The following CEACAM21 variants were observed in gnomAD, a reference collection of about 807,000 sequenced individuals.
CEACAM21 encodes cell adhesion molecule CEACAM21.
Under a neutral mutation model 33.2 loss-of-function variants are expected in CEACAM21, and 38 were observed. That is an observed-to-expected ratio of 1.14 (90% CI 0.88 to 1.50). The LOEUF is 1.50. CEACAM21 is among the 40% of genes most tolerant of loss of function. The probability of loss-of-function intolerance (pLI) is 0.00; values close to 1 mark genes in which losing one functional copy is unlikely to be tolerated. For missense variants in CEACAM21, 385 were observed against 364.6 expected (o/e 1.06, Z -0.46); for synonymous variants, 156 against 143.0 (o/e 1.09, Z -0.65).
At chr19:41,555,043 C>T (rs999593582) in intron 1 of CEACAM21, 1 of 152,022 alleles carries the variant, frequency 6.6e-6, no homozygotes, top group South Asian at 2.1e-4. Flanking sequence ...ACTTCACCCA[C>T]CACAACTGTT....
At chr19:41,551,826 C>T (rs2041226831) in intron 1 of CEACAM21, 1 of 152,132 alleles carries the variant, frequency 6.6e-6, no homozygotes, top group Non-Finnish European at 1.5e-5. Flanking sequence ...GAACCCAAAA[C>T]CGGTCAGTTG....
chr19:41,579,705 C>T (rs998690842), intron 3 of CEACAM21, 77 bp downstream of exon 3: 45 of 1,035,182 alleles, frequency 4.3e-5, no homozygotes, highest in South Asian at 3.5e-4. Context: ...AAATGATACA[C>T]GGAATGAGAA....
Position 41,579,488 on chromosome 19 carries a change from C to G in CEACAM21, c.560C>G (p.Thr187Arg), listed in dbSNP as rs782257522. 6.2e-7 allele frequency: 1 copy of G among 1,613,868 alleles called. No individual in the cohort carries two copies. The highest frequency in any genetic ancestry group is 8.5e-7 in the Non-Finnish European group (1 of 1,179,832). ...TTCAACAACCAGCGTCTGCAGGTCA[C>G]GAAGAGGATGAAGCTGTCCTGGTTT... ...WIFNNQRLQV[T>R]KRMKLSWFNH... Residue 187 changes from threonine (T) to arginine (R), a missense_variant, in exon 3 of 7, where the codon ACG becomes AGG. By Grantham distance (71) the Thr-to-Arg change is moderately conservative (BLOSUM62 -1). Coordinates refer to ENST00000401445, the MANE Select transcript of CEACAM21 (RefSeq NM_001098506.4).
chr19:41,559,600 A>C (rs1555786336), intron 1 of CEACAM21, among the ~76,000 whole-genome samples: 1 of 152,222 alleles, frequency 6.6e-6, no homozygotes. Flanking sequence ...AAAAGAATCA[A>C]CAAGTCAAAA....
At chr19:41,567,818 G>C (rs1402069956) in intron 2 of CEACAM21, among the ~76,000 whole-genome samples, 1 of 151,878 alleles carries the variant, frequency 6.6e-6, no homozygotes, top group Non-Finnish European at 1.5e-5. Context: ...TAGGGAAGAT[G>C]GTGGGTCCCA....
chr19:41,558,198 TAA>T (rs1160098680), intron 1 of CEACAM21, among the ~76,000 whole-genome samples: 1 of 151,928 alleles, frequency 6.6e-6, no homozygotes, highest in Non-Finnish European at 1.5e-5. Context: ...TTCATAATTA[TAA>T]GTCATGAGAT....
At chr19:41,573,391 C>T (rs76002974), upstream of CEACAM21, among the ~76,000 whole-genome samples, 1 of 152,158 alleles carries the variant, frequency 6.6e-6, no homozygotes, top group Non-Finnish European at 1.5e-5. Context: ...TACAGTCAGG[C>T]CTTCCAGATG....
chr19:41,581,022 G>C (rs1484186627), intron 3 of CEACAM21, among the ~76,000 whole-genome samples: 5 of 152,224 alleles, frequency 3.3e-5, no homozygotes, highest in Admixed American at 6.5e-5. Flanking sequence ...ACCAGAAAAT[G>C]GGTGTATTAG....
intron 5 of CEACAM21, 72 bp from the exon 6 acceptor site, chr19:41,585,768 C>A: frequency 2.0e-6 from 3 of 1,464,860 alleles, no homozygotes; most frequent in South Asian, 2.4e-5. Flanking sequence ...GAACTGAGGA[C>A]CCCCACACAC....
rs1555792851 is a variant in CEACAM21 at position 41,579,637 on chromosome 19, C to A, written c.700+9C>A. On this transcript the variant is annotated intron_variant, in intron 3 of 6. Transcript: ENST00000401445. The stretch of plus-strand genomic sequence containing the variant: ...CAAGCTGACTGTAAAATGTGAGTGA[C>A]CCTCGGCCCCTCTCACTCCTTTCCT... 2 of 1,511,370 alleles carry A rather than the reference C, an allele frequency of 1.3e-6. No individual in the cohort carries two copies. Among genetic ancestry groups the A allele is most frequent in the Admixed American group, 2.1e-5 (1 of 48,434 alleles). The allele number at this position is 1,511,370 out of a possible 1,614,324, so 93.6% of individuals were successfully genotyped here.
intron 3 of CEACAM21, among the ~76,000 whole-genome samples, chr19:41,580,236 A>T (rs1267387395): frequency 6.6e-6 from 1 of 151,926 alleles, no homozygotes; most frequent in Non-Finnish European, 1.5e-5. Flanking sequence ...GAAAAACTCA[A>T]ACTGTGTTTT....
At chr19:41,577,809 A>T (rs1039596055) in intron 2 of CEACAM21, among the ~76,000 whole-genome samples, 1 of 152,140 alleles carries the variant, frequency 6.6e-6, no homozygotes. Flanking sequence ...AGCGGGGGAA[A>T]ATCAGTCTCA....
chr19:41,565,320 C>G (rs2042181185), intron 2 of CEACAM21, among the ~76,000 whole-genome samples: 1 of 152,168 alleles, frequency 6.6e-6, no homozygotes, highest in African/African-American at 2.4e-5. Flanking sequence ...TGAAGGTGTC[C>G]TGGCCTGCCT....
chr19:41,570,299 G>A (rs2042520342), intron 2 of CEACAM21, among the ~76,000 whole-genome samples: 1 of 152,160 alleles, frequency 6.6e-6, no homozygotes, highest in African/African-American at 2.4e-5. Flanking sequence ...GAAAAAGGCT[G>A]GAGGCTTAGA....
chr19:41,577,081 ACAC>A, intron 1 of CEACAM21, 116 bp from the exon 2 acceptor site: 2 of 346,136 alleles, frequency 5.8e-6, no homozygotes, highest in East Asian at 1.9e-4. Flanking sequence ...ACCCAGTAGG[ACAC>A]ACACACACAC....
intron 2 of CEACAM21, 130 bp from the exon 3 acceptor site, chr19:41,579,223 G>A: frequency 1.3e-6 from 2 of 1,483,950 alleles, no homozygotes; most frequent in East Asian, 4.8e-5. Context: ...GGTGTCTCTG[G>A]TTCTCTCTGC....
intron 1 of CEACAM21, chr19:41,551,171 T>TTC (rs2122150130): frequency 6.6e-6 from 1 of 151,462 alleles, no homozygotes; most frequent in South Asian, 2.1e-4. Flanking sequence ...TTTTTTTTTT[T>TTC]TTTTTTAGAT....
upstream of CEACAM21, among the ~76,000 whole-genome samples, chr19:41,572,591 G>A (rs2042681806): frequency 6.6e-6 from 1 of 152,164 alleles, no homozygotes; most frequent in South Asian, 2.1e-4. Context: ...TGCTTGGTGA[G>A]TCTGCAGAGC....
At chr19:41,563,334 G>A (rs575957862) in intron 1 of CEACAM21, among the ~76,000 whole-genome samples, 2 of 152,270 alleles carry the variant, frequency 1.3e-5, no homozygotes, top group African/African-American at 4.8e-5. Context: ...TGGCCACCCC[G>A]GGACAGGGGC....
Sources: gnomAD v4.1 joint callset for allele counts (sites outside exome capture counted in the v4.1 genomes callset) on GRCh38, gnomAD v4.1.1 for gene constraint, MANE v1.5 for transcripts, NCBI Gene and HGNC (gene_info 2026-07-23, HGNC 2026-07-21) for gene names.